Variants in OSBPL11 observed in about 807,000 individuals in gnomAD.
OSBPL11 encodes the protein oxysterol-binding protein-related protein 11.
A neutral mutation model predicts 84.4 loss-of-function variants in OSBPL11; 33 were observed. The observed-to-expected ratio is 0.39, with a 90% CI of 0.30 to 0.52. The LOEUF is 0.52. OSBPL11 is among the 20% of genes least tolerant of loss of function. OSBPL11 has a pLI of 0.72. For missense variants in OSBPL11, 736 were observed against 901.1 expected (o/e 0.82, Z 2.35); for synonymous variants, 276 against 310.2 (o/e 0.89, Z 1.16).
intron 12 of OSBPL11, 127 bp downstream of exon 12, chr3:125,531,734 A>G: frequency 1.1e-6 from 1 of 915,358 alleles, no homozygotes; most frequent in Non-Finnish European, 1.6e-6. Context: ...AACAGTTGGT[A>G]TTTATATACA....
Position 125,579,847 on chromosome 3 carries a change from C to G in OSBPL11, c.409+18G>C. 1.9e-6 allele frequency: 3 copies of G among 1,610,368 alleles called. No homozygotes were observed. Among genetic ancestry groups the G allele is most frequent in the Non-Finnish European group, 2.5e-6 (3 of 1,176,974 alleles). ...AAAGAGGAAAATCACAGTATTAATT[C>G]TCATATTTTGGTCATACCTCTGAGT... On this transcript the variant is annotated intron_variant, in intron 3 of 12. Transcript: ENST00000296220.
At chr3:125,580,404 C>T (rs771765174) in intron 2 of OSBPL11, among the ~76,000 whole-genome samples, 10 of 151,074 alleles carry the variant, frequency 6.6e-5, no homozygotes, top group Middle Eastern at 3.4e-3. Flanking sequence ...ATCCCAGCTA[C>T]TCGGGAGGCT....
chr3:125,542,336 CT>C (rs1227119705), intron 10 of OSBPL11, among the ~76,000 whole-genome samples: 14 of 114,892 alleles, frequency 1.2e-4, no homozygotes, highest in Admixed American at 2.8e-4. Context: ...TCTTTTCTTT[CT>C]TTTTTTTTTG....
At chr3:125,551,187 T>A (rs150772169) in intron 9 of OSBPL11, among the ~76,000 whole-genome samples, 13 of 55,138 alleles carry the variant, frequency 2.4e-4, no homozygotes, top group African/African-American at 8.6e-4. Flanking sequence ...AAAAAAAAAT[T>A]AAATTAAATT....
chr3:125,537,746 T>G (rs754679212), intron 11 of OSBPL11, among the ~76,000 whole-genome samples: 1 of 152,196 alleles, frequency 6.6e-6, no homozygotes, highest in African/African-American at 2.4e-5. Context: ...ACAGTACAAA[T>G]AGGAATCTTG....
At chr3:125,560,210 G>A (rs570257915) in intron 8 of OSBPL11, among the ~76,000 whole-genome samples, 169 bp downstream of exon 8, 2 of 152,176 alleles carry the variant, frequency 1.3e-5, no homozygotes, top group Non-Finnish European at 2.9e-5. Flanking sequence ...GCAGTGAGCC[G>A]AGATCGCACC....
At chr3:125,540,323 T>G (rs1935710186) in intron 10 of OSBPL11, among the ~76,000 whole-genome samples, 2 of 82,610 alleles carry the variant, frequency 2.4e-5, no homozygotes, top group Non-Finnish European at 4.6e-5. Flanking sequence ...AGGATGGCTC[T>G]GTCTCAAAAA....
At chr3:125,549,026 T>A (rs1050300368) in intron 9 of OSBPL11, among the ~76,000 whole-genome samples, 4 of 148,520 alleles carry the variant, frequency 2.7e-5, no homozygotes, top group African/African-American at 1.0e-4. Context: ...ATATTTTAAG[T>A]CTTTTTTTTT....
intron 8 of OSBPL11, among the ~76,000 whole-genome samples, chr3:125,553,164 C>G (rs1446651756): frequency 6.6e-6 from 1 of 152,148 alleles, no homozygotes; most frequent in Non-Finnish European, 1.5e-5. Context: ...CTGCCCAAGA[C>G]TAAACATAAA....
intron 8 of OSBPL11, among the ~76,000 whole-genome samples, chr3:125,556,355 C>T (rs930886110): frequency 1.3e-5 from 2 of 152,198 alleles, no homozygotes; most frequent in Non-Finnish European, 2.9e-5. Flanking sequence ...TGGTGAAGTT[C>T]TTAGTCTCCT....
At chr3:125,533,059 A>C (rs1935585128) in intron 11 of OSBPL11, among the ~76,000 whole-genome samples, 1 of 151,972 alleles carries the variant, frequency 6.6e-6, no homozygotes, top group African/African-American at 2.4e-5. Flanking sequence ...TGAACAAGAG[A>C]GATCTTACGG....
intron 1 of OSBPL11, among the ~76,000 whole-genome samples, chr3:125,583,770 G>A (rs1055196851): frequency 1.9e-4 from 29 of 151,796 alleles, no homozygotes; most frequent in Admixed American, 1.1e-3. Flanking sequence ...AATAAATAAA[G>A]CCCACAACTA....
intron 5 of OSBPL11, among the ~76,000 whole-genome samples, chr3:125,575,055 T>C (rs1936301412): frequency 6.6e-6 from 1 of 152,216 alleles, no homozygotes; most frequent in South Asian, 2.1e-4. Flanking sequence ...TTCCTCTTTT[T>C]TCCAAACACA....
At chr3:125,563,907 G>A (rs1559842345) in intron 6 of OSBPL11, 64 bp from the exon 7 acceptor site, 2 of 1,579,834 alleles carry the variant, frequency 1.3e-6, no homozygotes. Flanking sequence ...CGGCAGATGT[G>A]GATTTTAACA....
intron 6 of OSBPL11, among the ~76,000 whole-genome samples, chr3:125,566,811 G>A (rs1229356143): frequency 2.0e-5 from 3 of 150,844 alleles, no homozygotes; most frequent in Non-Finnish European, 4.4e-5. Context: ...TTTTAATGGG[G>A]TCTCATTCTG....
chr3:125,555,313 C>T (rs1935977947), intron 8 of OSBPL11, among the ~76,000 whole-genome samples: 1 of 152,200 alleles, frequency 6.6e-6, no homozygotes, highest in South Asian at 2.1e-4. Context: ...CCCTGCTCCT[C>T]AGCTTGCAGA....
Position 125,531,965 on chromosome 3 carries a change from T to C in OSBPL11, c.2074A>G (p.Lys692Glu). 3.1e-6 allele frequency: 5 copies of C among 1,612,746 alleles called. No individual in the cohort carries two copies. The highest frequency in any genetic ancestry group is 4.2e-6 in the Non-Finnish European group (5 of 1,179,720). Residue 692 changes from lysine (K) to glutamate (E), a missense_variant, in exon 12 of 13, where the codon AAG becomes GAG. By Grantham distance (56) the Lys-to-Glu change is moderately conservative. Transcript: ENST00000296220. ...TDSLRESEID[K>E]ATEHKHTLEE... Reference sequence around the variant, plus strand: ...AGGGTATGCTTATGCTCTGTGGCCTTATCAATTTCAGATTCTCTCAGCGAG... The same window carrying C: ...AGGGTATGCTTATGCTCTGTGGCCTCATCAATTTCAGATTCTCTCAGCGAG...
At position 125,563,898 on chromosome 3, in the gene OSBPL11, G is replaced by A. The variant is rs1283128035; in HGVS notation, c.869-55C>T. 24 of 1,592,412 alleles carry A rather than the reference G, an allele frequency of 1.5e-5. 1 individual carries two copies. The highest frequency in any genetic ancestry group is 7.8e-5 in the South Asian group (7 of 89,708). On this transcript the variant is annotated intron_variant, in intron 6 of 12. Transcript: ENST00000296220. The stretch of plus-strand genomic sequence containing the variant: ...AACTTGCTCATAATCTAGAAAGTTC[G>A]GCAGATGTGGATTTTAACAATTTTG...
At chr3:125,565,176 T>C (rs771073381) in intron 6 of OSBPL11, among the ~76,000 whole-genome samples, 2 of 151,998 alleles carry the variant, frequency 1.3e-5, no homozygotes, top group South Asian at 4.2e-4. Context: ...GCCTGGGAGG[T>C]TGAGCTGCAG....
Sources: allele counts gnomAD v4.1 joint callset (sites outside exome capture counted in the v4.1 genomes callset), GRCh38; gene constraint gnomAD v4.1.1; transcripts MANE v1.5; gene names NCBI Gene and HGNC (gene_info 2026-07-23, HGNC 2026-07-21).